PTPRN2: variants seen among roughly 807,000 people sequenced by gnomAD.
PTPRN2 encodes the protein protein tyrosine phosphatase receptor type N2.
In PTPRN2, 74 loss-of-function variants were observed where a neutral mutation model predicts 118.8. That is an observed-to-expected ratio of 0.62 (90% CI 0.52 to 0.76). The LOEUF (loss-of-function observed/expected upper bound fraction) is 0.76. Ranked by LOEUF, PTPRN2 falls within the 30% of genes least tolerant of loss-of-function variation. The pLI is 0.00. For synonymous variants in PTPRN2, 641 were observed against 608.0 expected (o/e 1.05, Z -0.80); for missense variants, 1,481 against 1,394.4 (o/e 1.06, Z -0.99).
At chr7:157,743,315 G>A (rs1417114738) in intron 12 of PTPRN2, among the ~76,000 whole-genome samples, 2 of 152,144 alleles carry the variant, frequency 1.3e-5, no homozygotes, top group Non-Finnish European at 2.9e-5. Flanking sequence ...GCTTGGACCT[G>A]CCTGAATCCT....
At chr7:157,781,359 G>A (rs1399496097) in intron 12 of PTPRN2, among the ~76,000 whole-genome samples, 1 of 152,158 alleles carries the variant, frequency 6.6e-6, no homozygotes, top group Non-Finnish European at 1.5e-5. Flanking sequence ...CCTGTGCCAA[G>A]TTGTTGATGT....
At chr7:157,991,890 G>T (rs1345105383) in intron 11 of PTPRN2, among the ~76,000 whole-genome samples, 1 of 151,348 alleles carries the variant, frequency 6.6e-6, no homozygotes, top group Admixed American at 6.6e-5. Context: ...CCCTCCCGGG[G>T]CTCAAAAAAG....
At chr7:158,035,223 G>T (rs536355253) in intron 11 of PTPRN2, among the ~76,000 whole-genome samples, 11 of 152,244 alleles carry the variant, frequency 7.2e-5, no homozygotes, top group African/African-American at 2.2e-4. Context: ...GTCAACAAGT[G>T]TCTCAAGTAT....
intron 1 of PTPRN2, chr7:158,532,899 AGGCT>A: frequency 2.0e-6 from 1 of 493,372 alleles, no homozygotes; most frequent in Non-Finnish European, 4.3e-6. Context: ...AGGGACGGCC[AGGCT>A]CCACCACACC....
intron 5 of PTPRN2, among the ~76,000 whole-genome samples, chr7:158,183,125 T>C (rs1159536453): frequency 6.6e-6 from 1 of 152,260 alleles, no homozygotes. Context: ...ACTTTTGGTT[T>C]CCATTTGCAT....
chr7:158,020,225 T>C (rs972740495), intron 11 of PTPRN2, among the ~76,000 whole-genome samples: 6 of 151,706 alleles, frequency 4.0e-5, no homozygotes, highest in African/African-American at 1.4e-4. Flanking sequence ...ACACCTGTGC[T>C]TCTCAGCTAC....
At chr7:157,809,468 A>G (rs11971705) in intron 12 of PTPRN2, among the ~76,000 whole-genome samples, 35,584 of 151,804 alleles carry the variant, frequency 0.23, 5,969 homozygotes, top group African/African-American at 0.47. Flanking sequence ...ACACCAAGGC[A>G]CTGTGGCGAG....
chr7:158,096,768 G>C (rs1814660844), intron 10 of PTPRN2, among the ~76,000 whole-genome samples: 1 of 152,226 alleles, frequency 6.6e-6, no homozygotes, highest in Non-Finnish European at 1.5e-5. Context: ...GGCAAATCCA[G>C]AACACAGGTG....
At chr7:157,818,277 C>G (rs55947809) in intron 12 of PTPRN2, among the ~76,000 whole-genome samples, 22,118 of 151,868 alleles carry the variant, frequency 0.15, 3,105 homozygotes, top group African/African-American at 0.36. Flanking sequence ...TGGTAGATGC[C>G]GGCAGTGTGT....
intron 2 of PTPRN2, among the ~76,000 whole-genome samples, chr7:158,373,768 T>G (rs1271620494): frequency 6.6e-6 from 1 of 152,204 alleles, no homozygotes; most frequent in Admixed American, 6.5e-5. Context: ...TTTCAGCCCA[T>G]GCACCTGCAG....
intron 2 of PTPRN2, among the ~76,000 whole-genome samples, chr7:158,338,785 G>C (rs1284424068): frequency 6.7e-4 from 10 of 14,918 alleles, no homozygotes; most frequent in East Asian, 2.9e-3. Context: ...ACCATAAGAA[G>C]TGACACCTGC....
intron 2 of PTPRN2, among the ~76,000 whole-genome samples, chr7:158,425,115 CA>C (rs1815604900): frequency 6.6e-6 from 1 of 152,236 alleles, no homozygotes; most frequent in African/African-American, 2.4e-5. Context: ...GCTAAGAACC[CA>C]AAACAATAGG....
At chr7:158,269,458 G>A (rs1255919852) in intron 3 of PTPRN2, among the ~76,000 whole-genome samples, 1 of 152,244 alleles carries the variant, frequency 6.6e-6, no homozygotes, top group Non-Finnish European at 1.5e-5. Flanking sequence ...CTGCAGCCCA[G>A]GCTGGCTGTC....
At chr7:157,888,553 C>T (rs377557321) in intron 12 of PTPRN2, among the ~76,000 whole-genome samples, 6 of 151,026 alleles carry the variant, frequency 4.0e-5, no homozygotes, top group South Asian at 2.1e-4. Flanking sequence ...TGCGCCCCCC[C>T]ACCCCCCAAC....
chr7:158,051,619 C>T (rs1311031295), intron 11 of PTPRN2, among the ~76,000 whole-genome samples: 3 of 152,236 alleles, frequency 2.0e-5, no homozygotes, highest in Admixed American at 6.5e-5. Context: ...GCTCCCCCGG[C>T]GAGCGCCCGC....
At chr7:158,415,895 G>A (rs530507314) in intron 2 of PTPRN2, among the ~76,000 whole-genome samples, 2 of 152,212 alleles carry the variant, frequency 1.3e-5, no homozygotes, top group Admixed American at 1.3e-4. Flanking sequence ...GCATTCCTCA[G>A]AGGGCTGGGT....
chr7:157,805,316 T>TGC (rs1554453184), intron 12 of PTPRN2, among the ~76,000 whole-genome samples: 2 of 147,662 alleles, frequency 1.4e-5, no homozygotes, highest in South Asian at 2.1e-4. Flanking sequence ...TGTGTGTGTG[T>TGC]GCGTGTGCAA....
At chr7:158,326,794 CAT>C (rs1248532335) in intron 2 of PTPRN2, among the ~76,000 whole-genome samples, 1 of 149,120 alleles carries the variant, frequency 6.7e-6, no homozygotes. Flanking sequence ...CATGCACACA[CAT>C]GCACATTCTC....
In PTPRN2 at chr7:158,528,686, C is replaced by T. The variant is rs1350350728; in HGVS notation, c.113-38901G>A. ...GCGGGTGCCTGTACTTCCAGCTACT[C>T]GGGAGGCTGAGGCAGGAGAGTGGCA... is the stretch of plus-strand genomic sequence containing the variant. On this transcript the variant is annotated intron_variant, in intron 1 of 22. Coordinates refer to ENST00000389418, the MANE Select transcript of PTPRN2 (RefSeq NM_002847.5). Among the ~76,000 whole-genome samples, 3 of 151,192 alleles carry T rather than the reference C, an allele frequency of 2.0e-5. 1 individual carries two copies. In the East Asian group the frequency reaches 5.8e-4, roughly 29 times the overall value.
Sources: allele counts gnomAD v4.1 joint callset (sites outside exome capture counted in the v4.1 genomes callset), GRCh38; gene constraint gnomAD v4.1.1; transcripts MANE v1.5; gene names NCBI Gene and HGNC (gene_info 2026-07-23, HGNC 2026-07-21).